GALNTL6: variants seen among roughly 807,000 people sequenced by gnomAD.
GALNTL6 encodes polypeptide N-acetylgalactosaminyltransferase-like 6.
In GALNTL6, 46 loss-of-function variants were observed where a neutral mutation model predicts 73.7. The observed-to-expected ratio is 0.62, with a 90% confidence interval of 0.49 to 0.80. The LOEUF (loss-of-function observed/expected upper bound fraction) is 0.80. Ranked by LOEUF, GALNTL6 falls within the 30% of genes least tolerant of loss-of-function variation. The pLI, the probability that GALNTL6 is intolerant of heterozygous loss-of-function variation, is 0.00. For missense variants in GALNTL6, 604 were observed against 755.0 expected (o/e 0.80, Z 2.34); for synonymous variants, 259 against 263.7 (o/e 0.98, Z 0.17).
chr4:172,268,703 T>C (rs1278193398), intron 3 of GALNTL6, among the ~76,000 whole-genome samples: 2 of 152,156 alleles, frequency 1.3e-5, no homozygotes, highest in Non-Finnish European at 2.9e-5. Context: ...GGGAAGTAAT[T>C]AGGTTTAGAT....
chr4:171,924,775 T>C (rs1019577439), intron 2 of GALNTL6, among the ~76,000 whole-genome samples: 3 of 152,158 alleles, frequency 2.0e-5, no homozygotes, highest in Non-Finnish European at 4.4e-5. Context: ...TCTGGTTAAT[T>C]GGATGGGGAC....
rs185448969 is a variant in GALNTL6, at chr4:172,020,452, C to T, written c.138+205734C>T. On this transcript the variant is annotated intron_variant, in intron 2 of 12. Transcript: ENST00000506823. The stretch of plus-strand genomic sequence containing the variant: ...GAAAAAAAGAGAGAAAATCCAAATA[C>T]ATAAAATCAGAGGTGATAAAGGAGA... Among the ~76,000 whole-genome samples, 145 of 149,164 alleles carry T rather than the reference C, an allele frequency of 9.7e-4. 1 individual carries two copies. The highest frequency in any genetic ancestry group is 2.0e-3 in the Non-Finnish European group (133 of 67,138).
At chr4:171,873,266 A>G (rs889998937) in intron 2 of GALNTL6, among the ~76,000 whole-genome samples, 9 of 152,312 alleles carry the variant, frequency 5.9e-5, no homozygotes, top group Admixed American at 3.3e-4. Context: ...AGTAAATCCA[A>G]TGCATTCATT....
rs776525688 is a variant in GALNTL6, at chr4:172,635,168, T to A, written c.554-174193T>A. Among the ~76,000 whole-genome samples the A allele has an allele frequency of 2.6e-5, 4 of 152,190 alleles. 1 individual carries two copies. Among genetic ancestry groups the A allele is most frequent in the Non-Finnish European group, 5.9e-5 (4 of 68,014 alleles). ...ATAACTAAACTTTTTATTCCTAACC[T>A]ATTATTTACCTGCCTATCTTAAAGA... On this transcript the variant is annotated intron_variant, in intron 5 of 12. Coordinates refer to ENST00000506823, the MANE Select transcript of GALNTL6 (RefSeq NM_001034845.3).
rs192841496 is a variant in GALNTL6 at position 172,876,839 on chromosome 4, C to A, written c.924-5951C>A. On this transcript the variant is annotated intron_variant, in intron 7 of 12. Transcript: ENST00000506823. ...TAACCTGAAATATCATTTTACTCCA[C>A]AATTGAATTCTAGTTGAAAATAATT... 5.5e-3 allele frequency among the ~76,000 whole-genome samples: 832 copies of A among 152,294 alleles called. 9 individuals carry two copies. Among genetic ancestry groups the A allele is most frequent in the African/African-American group, 0.018 (758 of 41,572 alleles).
chr4:172,376,918 A>G (rs151278303), intron 5 of GALNTL6, among the ~76,000 whole-genome samples: 9 of 152,072 alleles, frequency 5.9e-5, no homozygotes, highest in Non-Finnish European at 2.9e-5. Context: ...TGTTGGGTTC[A>G]TGGTCTCGCT....
At chr4:172,812,929 A>T (rs946808281) in intron 6 of GALNTL6, among the ~76,000 whole-genome samples, 10 of 152,200 alleles carry the variant, frequency 6.6e-5, no homozygotes, top group African/African-American at 2.4e-4. Context: ...TTTTTCGAAT[A>T]TGATGAGGGA....
At position 172,606,445 on chromosome 4, in the gene GALNTL6, ACT is replaced by A. The variant is rs1161692792; in HGVS notation, c.554-202913_554-202912del. On this transcript the variant is annotated intron_variant, in intron 5 of 12. Coordinates refer to ENST00000506823, the MANE Select transcript of GALNTL6 (RefSeq NM_001034845.3). ...TTCCAGCGTGGGCAACAGGAGCGAA[ACT>A]CTGTCTCAAAACAAAAAAAAAACAA... Among the ~76,000 whole-genome samples, 98 of 135,746 alleles carry A rather than the reference ACT, an allele frequency of 7.2e-4. 1 individual carries two copies. Among genetic ancestry groups the A allele is most frequent in the Non-Finnish European group, 2.2e-4 (14 of 63,080 alleles). The allele number at this position is 135,746 out of a possible 152,430, so 89.1% of individuals were successfully genotyped here. A position where few individuals can be genotyped will look rare whatever the true frequency, so the allele number is the denominator to read the frequency against.
chr4:172,201,866 A>G (rs1208922844), intron 2 of GALNTL6, among the ~76,000 whole-genome samples: 4 of 152,164 alleles, frequency 2.6e-5, no homozygotes, highest in Non-Finnish European at 2.9e-5. Flanking sequence ...CTGCAGAAAC[A>G]GAGGGGTATG....
intron 5 of GALNTL6, among the ~76,000 whole-genome samples, chr4:172,761,856 G>A (rs1273974167): frequency 6.6e-6 from 1 of 152,116 alleles, no homozygotes; most frequent in African/African-American, 2.4e-5. Flanking sequence ...CCCAGTCTCT[G>A]GTAGTTCTTC....
chr4:172,296,946 C>T (rs1013220050), intron 3 of GALNTL6, among the ~76,000 whole-genome samples: 1 of 152,186 alleles, frequency 6.6e-6, no homozygotes, highest in Non-Finnish European at 1.5e-5. Context: ...ACACTGACTT[C>T]CACAGTGGTT....
At position 172,092,380 on chromosome 4, in the gene GALNTL6, T is replaced by C. The variant is rs540298700; in HGVS notation, c.139-137276T>C. Among the ~76,000 whole-genome samples, 19 of 152,254 alleles carry C rather than the reference T, an allele frequency of 1.2e-4. No individual in the cohort carries two copies. In the South Asian group the frequency reaches 3.9e-3, roughly 32 times the overall value. On this transcript the variant is annotated intron_variant, in intron 2 of 12. Coordinates refer to ENST00000506823, the MANE Select transcript of GALNTL6 (RefSeq NM_001034845.3). ...AATATAGCTCAAAGAAGAGAAAACA[T>C]CATTTCTTATTTGACACTTCCTATA...
At chr4:172,331,445 G>A (rs74419868) in intron 4 of GALNTL6, among the ~76,000 whole-genome samples, 1 of 152,158 alleles carries the variant, frequency 6.6e-6, no homozygotes, top group African/African-American at 2.4e-5. Context: ...ATACATTATT[G>A]TTGATTATGG....
chr4:172,028,065 C>T (rs1741645653), intron 2 of GALNTL6, among the ~76,000 whole-genome samples: 1 of 152,086 alleles, frequency 6.6e-6, no homozygotes, highest in Non-Finnish European at 1.5e-5. Flanking sequence ...ACACACTAAA[C>T]AGCAGATTCT....
chr4:172,395,066 C>T (rs897301213), intron 5 of GALNTL6, among the ~76,000 whole-genome samples: 1 of 152,136 alleles, frequency 6.6e-6, no homozygotes, highest in Non-Finnish European at 1.5e-5. Flanking sequence ...AAGCACCTGA[C>T]AAGAAAATCT....
At chr4:172,493,370 G>GA (rs1733958986) in intron 5 of GALNTL6, among the ~76,000 whole-genome samples, 2 of 152,204 alleles carry the variant, frequency 1.3e-5, no homozygotes, top group South Asian at 4.1e-4. Context: ...TTCGGCTAAG[G>GA]AAAATTACTA....
chr4:171,882,749 A>G (rs759078585), intron 2 of GALNTL6, among the ~76,000 whole-genome samples: 9 of 152,200 alleles, frequency 5.9e-5, no homozygotes, highest in African/African-American at 1.9e-4. Context: ...CCACGCTGGC[A>G]GTTGATTACA....
intron 5 of GALNTL6, among the ~76,000 whole-genome samples, chr4:172,483,079 T>C (rs1733548346): frequency 6.6e-6 from 1 of 152,184 alleles, no homozygotes; most frequent in Non-Finnish European, 1.5e-5. Context: ...TGTTTGTGTG[T>C]ATAATACACT....
At chr4:171,907,074 A>G (rs920448422) in intron 2 of GALNTL6, among the ~76,000 whole-genome samples, 3 of 152,150 alleles carry the variant, frequency 2.0e-5, no homozygotes, top group African/African-American at 4.8e-5. Context: ...ATTCCTTTTG[A>G]AAACTGGCAC....
Sources: gnomAD v4.1 joint callset for allele counts (sites outside exome capture counted in the v4.1 genomes callset) on GRCh38, gnomAD v4.1.1 for gene constraint, MANE v1.5 for transcripts, NCBI Gene and HGNC (gene_info 2026-07-23, HGNC 2026-07-21) for gene names.